The following SND1 variants were observed in gnomAD, a reference collection of about 807,000 sequenced individuals.
SND1 encodes the protein staphylococcal nuclease and tudor domain containing 1.
In SND1, 38 loss-of-function variants were observed where a neutral mutation model predicts 121.7. That is an observed-to-expected ratio of 0.31 (90% CI 0.24 to 0.41). SND1 has a LOEUF of 0.41. Among genes scored for constraint, SND1 ranks in the 10% least tolerant of loss-of-function variants. SND1 has a pLI of 1.00. For missense variants in SND1, 868 were observed against 1,184.6 expected (o/e 0.73, Z 3.92); for synonymous variants, 401 against 447.4 (o/e 0.90, Z 1.31).
chr7:127,951,595 G>C lies in SND1; in HGVS notation c.1669+22266G>C, dbSNP rs118027470. 5.0e-3 allele frequency among the ~76,000 whole-genome samples: 758 copies of C among 152,330 alleles called. 5 individuals are homozygous for C. Among genetic ancestry groups the C allele is most frequent in the African/African-American group, 0.016 (653 of 41,582 alleles). Reference sequence around the variant, plus strand: ...GTATTCTTACATTTCTATGGAAGGGGATAGGGAGAGATTCTGCTTCTTAAA... The same window carrying C: ...GTATTCTTACATTTCTATGGAAGGGCATAGGGAGAGATTCTGCTTCTTAAA... On this transcript the variant is annotated intron_variant, in intron 15 of 23. Coordinates refer to ENST00000354725, the MANE Select transcript of SND1 (RefSeq NM_014390.4).
At chr7:127,849,009 CT>C (rs1799118374) in intron 12 of SND1, among the ~76,000 whole-genome samples, 1 of 152,066 alleles carries the variant, frequency 6.6e-6, no homozygotes, top group South Asian at 2.1e-4. Context: ...ATTAACTTCA[CT>C]GTGGAGTTGG....
intron 3 of SND1, 61 bp from the exon 4 acceptor site, chr7:127,698,814 C>A: frequency 1.5e-6 from 2 of 1,366,744 alleles, no homozygotes; most frequent in Non-Finnish European, 2.1e-6. Flanking sequence ...CCCATTTGGG[C>A]TCTGTTGCTG....
At chr7:127,880,716 G>GGTGTGTGT (rs10655402) in intron 12 of SND1, among the ~76,000 whole-genome samples, 10 of 149,512 alleles carry the variant, frequency 6.7e-5, no homozygotes, top group Admixed American at 2.0e-4. Context: ...AGAATGCAGG[G>GGTGTGTGT]GTGTGTGTGT....
intron 15 of SND1, among the ~76,000 whole-genome samples, chr7:127,972,455 G>T (rs926198410): frequency 2.6e-5 from 4 of 151,666 alleles, no homozygotes; most frequent in Non-Finnish European, 4.4e-5. Flanking sequence ...GACGGGTTTC[G>T]CCATGTTGGC....
At chr7:128,048,029 G>A (rs1447734183) in intron 16 of SND1, among the ~76,000 whole-genome samples, 1 of 151,988 alleles carries the variant, frequency 6.6e-6, no homozygotes, top group African/African-American at 2.4e-5. Context: ...TGTATTTTTG[G>A]TAGAGACAGG....
chr7:127,931,506 A>G (rs1033661257), intron 15 of SND1, among the ~76,000 whole-genome samples: 2 of 152,236 alleles, frequency 1.3e-5, no homozygotes, highest in African/African-American at 4.8e-5. Context: ...GTGCTGATGT[A>G]GAAGCTGCAA....
At chr7:127,653,785 AG>A (rs1293266851) in intron 1 of SND1, among the ~76,000 whole-genome samples, 7 of 152,188 alleles carry the variant, frequency 4.6e-5, no homozygotes, top group Non-Finnish European at 7.3e-5. Context: ...CCACCAGCCA[AG>A]ATTCTTGGGA....
intron 11 of SND1, among the ~76,000 whole-genome samples, chr7:127,818,342 T>C (rs1798485848): frequency 6.6e-6 from 1 of 152,236 alleles, no homozygotes. Flanking sequence ...ACTGTAGGTC[T>C]GATTTGGGGC....
chr7:127,823,325 A>C (rs1798583103), intron 11 of SND1, among the ~76,000 whole-genome samples: 1 of 152,096 alleles, frequency 6.6e-6, no homozygotes, highest in Non-Finnish European at 1.5e-5. Flanking sequence ...TCCCCTGACT[A>C]GGATGTTATG....
chr7:128,044,855 G>T (rs757108439), intron 16 of SND1, among the ~76,000 whole-genome samples: 1 of 152,020 alleles, frequency 6.6e-6, no homozygotes, highest in Non-Finnish European at 1.5e-5. Context: ...CTGATGGATC[G>T]TGTTCAGTTG....
At chr7:127,803,739 C>T (rs991445315) in intron 10 of SND1, among the ~76,000 whole-genome samples, 1 of 152,108 alleles carries the variant, frequency 6.6e-6, no homozygotes, top group Non-Finnish European at 1.5e-5. Context: ...TCCTAATGAA[C>T]ATTGGCCAGA....
intron 15 of SND1, among the ~76,000 whole-genome samples, chr7:127,966,205 G>T (rs1801848719): frequency 6.6e-6 from 1 of 151,796 alleles, no homozygotes; most frequent in African/African-American, 2.4e-5. Flanking sequence ...TTCAAAAGCA[G>T]GTCCTGAGTG....
intron 16 of SND1, among the ~76,000 whole-genome samples, chr7:128,053,175 T>C (rs947575264): frequency 1.3e-5 from 2 of 152,256 alleles, no homozygotes; most frequent in African/African-American, 2.4e-5. Context: ...AGAGGTTCTA[T>C]GTTTGTAAAC....
chr7:128,045,077 G>A (rs868204446), intron 16 of SND1, among the ~76,000 whole-genome samples: 2 of 152,142 alleles, frequency 1.3e-5, no homozygotes, highest in Non-Finnish European at 2.9e-5. Flanking sequence ...AGGCAGATAC[G>A]AGCTGATGGG....
chr7:127,755,185 T>TA (rs140502855), intron 10 of SND1, among the ~76,000 whole-genome samples: 1,758 of 152,320 alleles, frequency 0.012, 28 homozygotes, highest in African/African-American at 0.04. Context: ...AGATTCATGC[T>TA]AACTCTTCAC....
chr7:128,007,640 A>G (rs566248454), intron 16 of SND1, among the ~76,000 whole-genome samples: 2 of 152,380 alleles, frequency 1.3e-5, no homozygotes, highest in East Asian at 1.9e-4. Context: ...AGCAAATATT[A>G]TATGGGAAAC....
chr7:127,814,105 T>C (rs949391543), intron 11 of SND1, among the ~76,000 whole-genome samples: 1 of 152,196 alleles, frequency 6.6e-6, no homozygotes, highest in African/African-American at 2.4e-5. Context: ...TGCTCATATT[T>C]TTCTGGTGAA....
At chr7:127,699,098 A>C in intron 4 of SND1, 145 bp downstream of exon 4, 1 of 656,868 alleles carries the variant, frequency 1.5e-6, no homozygotes, top group South Asian at 1.8e-5. Flanking sequence ...ATTCTGAGCT[A>C]GGAAGTCACT....
chr7:127,737,430 C>G (rs964024582), intron 10 of SND1, among the ~76,000 whole-genome samples: 1 of 152,202 alleles, frequency 6.6e-6, no homozygotes, highest in Admixed American at 6.5e-5. Flanking sequence ...CGAAAATTAG[C>G]TGGGTGTGGT....
Sources: gnomAD v4.1 joint callset for allele counts (sites outside exome capture counted in the v4.1 genomes callset) on GRCh38, gnomAD v4.1.1 for gene constraint, MANE v1.5 for transcripts, NCBI Gene and HGNC (gene_info 2026-07-23, HGNC 2026-07-21) for gene names.